The following RPSA2 variants were observed in gnomAD, a reference collection of about 807,000 sequenced individuals.
The protein encoded by RPSA2 is ribosomal protein SA 2.
chr19:23,841,592 G>A, the RPSA2 span, among the ~76,000 whole-genome samples: 2 of 152,260 alleles, frequency 1.3e-5, no homozygotes, highest in African/African-American at 2.4e-5. Context: ...CAACCCAATC[G>A]GAGGTCTGAC....
chr19:23,803,378 T>A, the RPSA2 span, among the ~76,000 whole-genome samples: 3 of 152,002 alleles, frequency 2.0e-5, no homozygotes, highest in Admixed American at 2.0e-4. Context: ...ATATAAAATA[T>A]GATTTATAGG....
At chr19:23,828,808 ATTCT>A in the RPSA2 span, among the ~76,000 whole-genome samples, 1 of 151,932 alleles carries the variant, frequency 6.6e-6, no homozygotes, top group African/African-American at 2.4e-5. Context: ...TTTTATTAAC[ATTCT>A]TTCTTGTTTT....
the RPSA2 span, among the ~76,000 whole-genome samples, chr19:23,815,139 C>T: frequency 2.0e-5 from 3 of 152,288 alleles, no homozygotes; most frequent in Non-Finnish European, 1.5e-5. Flanking sequence ...CTACACCACC[C>T]AGCTGGCATT....
chr19:23,846,051 G>T, the RPSA2 span, among the ~76,000 whole-genome samples: 4 of 152,190 alleles, frequency 2.6e-5, no homozygotes, highest in South Asian at 8.3e-4. Flanking sequence ...TAGAGATATT[G>T]TGTTACCTAA....
the RPSA2 span, chr19:23,782,569 G>A: frequency 6.6e-6 from 1 of 152,182 alleles, no homozygotes; most frequent in Non-Finnish European, 1.5e-5. Context: ...AGAATAGAGA[G>A]TGACTTATTG....
the RPSA2 span, among the ~76,000 whole-genome samples, chr19:23,777,502 GAATAT>G: frequency 3.3e-5 from 5 of 151,904 alleles, no homozygotes; most frequent in African/African-American, 1.2e-4. Context: ...CCAGGGCATG[GAATAT>G]TATGAGTATT....
chr19:23,790,908 G>A, the RPSA2 span: 1 of 468,994 alleles, frequency 2.1e-6, no homozygotes, highest in Non-Finnish European at 3.8e-6. Flanking sequence ...TGCCCAGGTT[G>A]GCATCCGTCC....
chr19:23,776,801 A>T, the RPSA2 span, among the ~76,000 whole-genome samples: 1 of 152,158 alleles, frequency 6.6e-6, no homozygotes, highest in African/African-American at 2.4e-5. Context: ...CATGGGCCCA[A>T]TGCCGAGGTG....
chr19:23,791,581 CT>C, the RPSA2 span, among the ~76,000 whole-genome samples: 1 of 152,196 alleles, frequency 6.6e-6, no homozygotes, highest in African/African-American at 2.4e-5. Context: ...AAGTCCACCC[CT>C]CATCCCATAT....
the RPSA2 span, among the ~76,000 whole-genome samples, chr19:23,853,878 T>C: frequency 9.2e-5 from 14 of 152,164 alleles, no homozygotes; most frequent in Non-Finnish European, 1.9e-4. Context: ...CCCATGTTAG[T>C]GGGATGTTTA....
the RPSA2 span, among the ~76,000 whole-genome samples, chr19:23,829,340 G>A: frequency 3.9e-5 from 6 of 152,078 alleles, no homozygotes; most frequent in Non-Finnish European, 8.8e-5. Flanking sequence ...TACTCTTGTT[G>A]TCCATGCTGG....
the RPSA2 span, chr19:23,819,503 A>T: frequency 1.3e-5 from 2 of 152,164 alleles, no homozygotes; most frequent in Non-Finnish European, 2.9e-5. Context: ...TATGGGTCCC[A>T]GTGTTGTTGG....
At chr19:23,761,909 T>TCCCTCCCTCCC in the RPSA2 span, among the ~76,000 whole-genome samples, 1 of 37,382 alleles carries the variant, frequency 2.7e-5, no homozygotes, top group East Asian at 7.3e-4. Context: ...TAATTCTTTC[T>TCCCTCCCTCCC]TTCTTTCTTT....
the RPSA2 span, chr19:23,833,315 T>C: frequency 3.6e-6 from 2 of 562,508 alleles, no homozygotes; most frequent in Non-Finnish European, 4.7e-6. Context: ...GTGTGAATAA[T>C]GTGTCAAAGC....
At chr19:23,851,352 G>A in the RPSA2 span, among the ~76,000 whole-genome samples, 1 of 152,150 alleles carries the variant, frequency 6.6e-6, no homozygotes, top group Non-Finnish European at 1.5e-5. Context: ...GCATTGACAT[G>A]AGTGAGATTG....
the RPSA2 span, among the ~76,000 whole-genome samples, chr19:23,784,726 T>C: frequency 6.6e-6 from 1 of 152,190 alleles, no homozygotes; most frequent in Non-Finnish European, 1.5e-5. Flanking sequence ...TATCCCACTG[T>C]TGAGGTTCTG....
At chr19:23,796,401 G>A in the RPSA2 span, among the ~76,000 whole-genome samples, 94 of 134,098 alleles carry the variant, frequency 7.0e-4, 1 homozygote, top group Admixed American at 3.7e-3. Context: ...TTGCATGAAT[G>A]TTGAAAGATA....
At chr19:23,760,569 C>T in the RPSA2 span, among the ~76,000 whole-genome samples, 6 of 151,666 alleles carry the variant, frequency 4.0e-5, no homozygotes, top group African/African-American at 1.5e-4. Flanking sequence ...TCTCACCGAG[C>T]TGTAGCAGCC....
chr19:23,798,496 A>G, the RPSA2 span, among the ~76,000 whole-genome samples: 1 of 152,166 alleles, frequency 6.6e-6, no homozygotes, highest in African/African-American at 2.4e-5. Flanking sequence ...AATAGTATGA[A>G]TATAAAGCCA....
Sources: allele counts gnomAD v4.1 joint callset (sites outside exome capture counted in the v4.1 genomes callset), GRCh38; gene constraint gnomAD v4.1.1; transcripts MANE v1.5; gene names NCBI Gene and HGNC (gene_info 2026-07-23, HGNC 2026-07-21).